Variants in MTSS2 observed in about 807,000 individuals in gnomAD.
MTSS2 encodes protein MTSS 2.
Under a neutral mutation model 67.1 loss-of-function variants are expected in MTSS2, and 27 were observed. The observed-to-expected ratio is 0.40, with a 90% CI of 0.30 to 0.55. The LOEUF is 0.55. MTSS2 is among the 20% of genes least tolerant of loss of function. MTSS2 has a pLI of 0.43. For synonymous variants in MTSS2, 624 were observed against 468.6 expected (o/e 1.33, Z -4.28); for missense variants, 1,171 against 1,067.8 (o/e 1.10, Z -1.35).
At chr16:70,667,914 C>A (rs1224431801) in intron 11 of MTSS2, among the ~76,000 whole-genome samples, 2 of 151,326 alleles carry the variant, frequency 1.3e-5, no homozygotes, top group African/African-American at 4.9e-5. Flanking sequence ...CAAAACATTA[C>A]TGAGAGGCAG....
At chr16:70,684,211 C>T (rs1357647168) in intron 1 of MTSS2, among the ~76,000 whole-genome samples, 4 of 151,842 alleles carry the variant, frequency 2.6e-5, no homozygotes, top group Admixed American at 6.5e-5. Context: ...GCTCTGGGAT[C>T]GGCCAGGGGA....
intron 11 of MTSS2, among the ~76,000 whole-genome samples, chr16:70,667,517 A>G (rs977499695): frequency 6.6e-6 from 1 of 152,196 alleles, no homozygotes; most frequent in Admixed American, 6.6e-5. Context: ...CGATAACATC[A>G]ATAAACACTA....
chr16:70,684,331 T>A (rs2053389894), intron 1 of MTSS2, among the ~76,000 whole-genome samples: 1 of 151,636 alleles, frequency 6.6e-6, no homozygotes, highest in African/African-American at 2.4e-5. Context: ...AGATGTACAG[T>A]TGCAAGAGAT....
At chr16:70,672,045 C>A (rs560988414) in intron 11 of MTSS2, among the ~76,000 whole-genome samples, 1 of 152,288 alleles carries the variant, frequency 6.6e-6, no homozygotes, top group South Asian at 2.1e-4. Flanking sequence ...GACACCAACA[C>A]GAAACACTAT....
In MTSS2 at chr16:70,663,824, C is replaced by G; in HGVS notation, c.2097G>C (p.Leu699=). The G allele has an allele frequency of 1.3e-6, 2 of 1,535,942 alleles. No individual in the cohort carries two copies. Among genetic ancestry groups the G allele is most frequent in the Non-Finnish European group, 1.7e-6 (2 of 1,144,018 alleles). Residue 699 remains leucine, a synonymous_variant, in exon 15 of 15, where the codon CTG becomes CTC. Transcript: ENST00000338779. Reference sequence around the variant, plus strand: ...GCGTCTCCTCCGTGGGGGTGGCCGACAGAGCAGTGGGGAAGGGGAACTGGC... The same window carrying G: ...GCGTCTCCTCCGTGGGGGTGGCCGAGAGAGCAGTGGGGAAGGGGAACTGGC... ...GEGQFPFPTA[L]SATPTEETPT... is the part of the protein sequence containing the mutation.
At position 70,679,240 on chromosome 16, in the gene MTSS2, G is replaced by A. The variant is rs2053218975; in HGVS notation, c.466+75C>T. ...TTGGCCTGGAGAGGTTCCTTCCAAT[G>A]GCCCTGAGCTGGGGGAGACAGACAA... is the stretch of plus-strand genomic sequence containing the variant. On this transcript the variant is annotated intron_variant, in intron 7 of 14. Coordinates refer to ENST00000338779, the MANE Select transcript of MTSS2 (RefSeq NM_138383.3). 39 of 1,564,448 alleles carry A rather than the reference G, an allele frequency of 2.5e-5. No homozygotes were observed. In the South Asian group the frequency reaches 3.9e-4, roughly 16 times the overall value.
Position 70,661,228 on chromosome 16 carries a change from A to C in MTSS2, c.*2449T>G, listed in dbSNP as rs957162677. 13 of 455,280 alleles carry C rather than the reference A, an allele frequency of 2.9e-5. No individual in the cohort carries two copies. The highest frequency in any genetic ancestry group is 8.0e-5 in the African/African-American group (4 of 49,904). The allele number at this position is 455,280 out of a possible 1,614,324, so 28.2% of individuals were successfully genotyped here. A position where few individuals can be genotyped will look rare whatever the true frequency, so the allele number is the denominator to read the frequency against. On this transcript the variant is annotated 3_prime_UTR_variant, in exon 15 of 15. Transcript: ENST00000338779. ...GTGTTAATTACAGTACACCTTTATT[A>C]ATACTGGAATCTTCACAGTGCATCT...
In MTSS2 at chr16:70,663,915, G is replaced by A. The variant is rs992014788; in HGVS notation, c.2006C>T (p.Ala669Val). Residue 669 changes from alanine (A) to valine (V), a missense_variant, in exon 15 of 15, where the codon GCC becomes GTC. Transcript: ENST00000338779. ...GAEDEQQQLA[A>V]NRHSLVEKLG... ...CTTCTCCACCAGGCTGTGCCGGTTG[G>A]CCGCCAGCTGCTGCTGCTCGTCCTC... is the stretch of plus-strand genomic sequence containing the variant. The A allele has an allele frequency of 3.2e-6, 5 of 1,550,184 alleles. No homozygotes were observed. Among genetic ancestry groups the A allele is most frequent in the Non-Finnish European group, 2.6e-6 (3 of 1,149,838 alleles).
chr16:70,685,826 C>T lies in MTSS2; in HGVS notation c.-35G>A. The stretch of plus-strand genomic sequence containing the variant: ...GGGCCGGGCCGCGGCGGCGGCTAGG[C>T]GCACGGAGCGCGGGGAGCAGCGCAA... On this transcript the variant is annotated 5_prime_UTR_variant, in exon 1 of 15. Coordinates refer to ENST00000338779, the MANE Select transcript of MTSS2 (RefSeq NM_138383.3). The T allele has an allele frequency of 1.6e-6, 2 of 1,229,028 alleles. No homozygotes were observed. The highest frequency in any genetic ancestry group is 1.8e-5 in the South Asian group (1 of 55,404). The allele number at this position is 1,229,028 out of a possible 1,614,324, so 76.1% of individuals were successfully genotyped here. A position where few individuals can be genotyped will look rare whatever the true frequency, so the allele number is the denominator to read the frequency against.
chr16:70,672,871 T>G (rs1182126723), intron 11 of MTSS2, among the ~76,000 whole-genome samples: 1 of 151,946 alleles, frequency 6.6e-6, no homozygotes, highest in Non-Finnish European at 1.5e-5. Context: ...AGTAAAGAGA[T>G]AATGACTGGC....
intron 11 of MTSS2, among the ~76,000 whole-genome samples, chr16:70,673,321 G>A (rs1297728685): frequency 2.0e-5 from 3 of 152,204 alleles, no homozygotes; most frequent in Non-Finnish European, 2.9e-5. Context: ...TGCCCAGAGA[G>A]AGACTCAGAT....
intron 2 of MTSS2, 46 bp downstream of exon 2, chr16:70,680,918 G>GGGGGGGGGGCCCCC: frequency 9.1e-7 from 1 of 1,097,902 alleles, no homozygotes; most frequent in Non-Finnish European, 1.3e-6. Context: ...CGGGGGGGGG[G>GGGGGGGGGGCCCCC]CCTCTGCCTG....
Position 70,680,851 on chromosome 16 carries a change from C to A in MTSS2, c.148G>T (p.Ala50Ser). ...HSQLRTTVLA[A>S]VAFLDAFQKV... ...TGGAAGGCATCCAGGAAGGCCACAG[C>A]AGCCAGCACGGTGGTCCTGGGGAGA... is the stretch of plus-strand genomic sequence containing the variant. The change falls in exon 3 of 15, where the codon GCT (alanine) becomes TCT (serine). Residue 50 changes from alanine to serine, a missense_variant. By Grantham distance (99) the Ala-to-Ser change is moderately conservative (BLOSUM62 1). This residue lies in a region of MTSS2 where 247 missense variants were observed against 311.8 expected (regional missense o/e 0.79). Transcript: ENST00000338779. The A allele has an allele frequency of 6.4e-7, 1 of 1,555,948 alleles. No homozygotes were observed. The highest frequency in any genetic ancestry group is 8.7e-7 in the Non-Finnish European group (1 of 1,150,198).
At chr16:70,668,915 G>A (rs938687314) in intron 11 of MTSS2, among the ~76,000 whole-genome samples, 1 of 152,198 alleles carries the variant, frequency 6.6e-6, no homozygotes, top group East Asian at 1.9e-4. Flanking sequence ...TGTTACGGCA[G>A]TCCAAATTGA....
At chr16:70,677,580 AGTCTG>A (rs1223916450) in intron 9 of MTSS2, among the ~76,000 whole-genome samples, 9 of 152,160 alleles carry the variant, frequency 5.9e-5, no homozygotes, top group African/African-American at 1.2e-4. Context: ...ATCTACTCTG[AGTCTG>A]AGAACGCTGC....
rs186545994 is a variant in MTSS2 at position 70,676,580 on chromosome 16, T to C, written c.830+301A>G. 5.6e-3 allele frequency among the ~76,000 whole-genome samples: 859 copies of C among 152,264 alleles called. 4 individuals carry two copies. The highest frequency in any genetic ancestry group is 9.8e-3 in the Non-Finnish European group (668 of 68,010). ...TGACACCATTCCTGATACAGCAGTG[T>C]TAGGATTCAATGAGAAAAAATGCAT... On this transcript the variant is annotated intron_variant, in intron 10 of 14. Transcript: ENST00000338779.
intron 7 of MTSS2, 87 bp downstream of exon 7, chr16:70,679,228 G>T (rs890952253): frequency 8.3e-5 from 126 of 1,520,880 alleles, no homozygotes; most frequent in Non-Finnish European, 1.1e-4. Flanking sequence ...GCCTGGAGAG[G>T]TTCCTTCCAA....
intron 10 of MTSS2, among the ~76,000 whole-genome samples, chr16:70,676,061 G>A (rs918058161): frequency 1.3e-5 from 2 of 152,254 alleles, no homozygotes; most frequent in Non-Finnish European, 2.9e-5. Context: ...TGAGGTAGTA[G>A]CTGATTGCTG....
chr16:70,664,103 C>T lies in MTSS2; in HGVS notation c.1818G>A (p.Gly606=), dbSNP rs1476927967. The T allele has an allele frequency of 6.2e-7, 1 of 1,611,784 alleles. No individual in the cohort carries two copies. Among genetic ancestry groups the T allele is most frequent in the Non-Finnish European group, 8.5e-7 (1 of 1,179,658 alleles). The change falls in exon 15 of 15, where the codon GGG becomes GGA. Residue 606 remains glycine (G), a synonymous_variant. Transcript: ENST00000338779. ...PTVPDSPGYM[G]PTRAGSEECV... ...ACTCCTCACTGCCCGCCCGTGTGGG[C>T]CCCATGTAGCCGGGGGAGTCAGGCA...
Sources: gnomAD v4.1 joint callset for allele counts (sites outside exome capture counted in the v4.1 genomes callset) on GRCh38, gnomAD v4.1.1 for gene constraint, gnomAD v4.1.1 regional missense constraint, MANE v1.5 for transcripts, NCBI Gene and HGNC (gene_info 2026-07-23, HGNC 2026-07-21) for gene names.